The following KIF14 variants were observed in gnomAD, a reference collection of about 807,000 sequenced individuals.
The protein encoded by KIF14 is kinesin-like protein KIF14.
Under a neutral mutation model 176.2 loss-of-function variants are expected in KIF14, and 98 were observed. The observed-to-expected ratio is 0.56, with a 90% CI of 0.47 to 0.66. The LOEUF (loss-of-function observed/expected upper bound fraction) is 0.66. Ranked by LOEUF, KIF14 falls within the 30% of genes least tolerant of loss-of-function variation. The probability of loss-of-function intolerance (pLI) is 0.00; values close to 1 mark genes in which losing one functional copy is unlikely to be tolerated. For synonymous variants in KIF14, 566 were observed against 632.2 expected (o/e 0.90, Z 1.57); for missense variants, 1,751 against 1,920.4 (o/e 0.91, Z 1.65).
intron 17 of KIF14, 142 bp downstream of exon 17, chr1:200,589,983 G>A (rs1658969392): frequency 1.2e-6 from 1 of 830,390 alleles, no homozygotes; most frequent in Non-Finnish European, 1.8e-6. Flanking sequence ...AAATTAAAGA[G>A]GGCCAAGACT....
At chr1:200,582,927 A>G (rs1280251474) in intron 19 of KIF14, among the ~76,000 whole-genome samples, 11 of 152,184 alleles carry the variant, frequency 7.2e-5, no homozygotes, top group Non-Finnish European at 1.5e-5. Flanking sequence ...AGTACACAAC[A>G]TACCTACCAA....
chr1:200,601,922 T>G lies in KIF14; in HGVS notation c.2126A>C (p.Glu709Ala), dbSNP rs1188939613. 6.2e-7 allele frequency: 1 copy of G among 1,610,182 alleles called. No homozygotes were observed. Among genetic ancestry groups the G allele is most frequent in the Non-Finnish European group, 8.5e-7 (1 of 1,178,738 alleles). ...TCTAATTAACTTAGCGTTCATATCT[T>G]CATTTACTTTAGCAATGTTGACTAT... ...RLIVNIAKVN[E>A]DMNAKLIREL... Residue 709 changes from glutamate (E) to alanine (A), a missense_variant, in exon 11 of 30, where the codon GAA becomes GCA. Coordinates refer to ENST00000367350, the MANE Select transcript of KIF14 (RefSeq NM_014875.3).
intron 20 of KIF14, 22 bp downstream of exon 20, chr1:200,581,179 A>G: frequency 7.3e-7 from 1 of 1,360,882 alleles, no homozygotes; most frequent in Non-Finnish European, 1.0e-6. Flanking sequence ...AACATTTAAA[A>G]TCAGGATAAT....
intron 23 of KIF14, 77 bp from the exon 24 acceptor site, chr1:200,565,746 C>G (rs760279899): frequency 6.8e-6 from 6 of 888,080 alleles, no homozygotes; most frequent in Non-Finnish European, 1.0e-5. Context: ...GGGATCCTTA[C>G]TTTATGTACT....
intron 23 of KIF14, among the ~76,000 whole-genome samples, chr1:200,567,400 C>T (rs1657523543): frequency 1.3e-5 from 2 of 151,900 alleles, no homozygotes. Flanking sequence ...AAAAAATTAG[C>T]CGGGCCTGGT....
intron 28 of KIF14, 102 bp from the exon 29 acceptor site, chr1:200,554,708 AAG>A: frequency 1.6e-6 from 1 of 632,468 alleles, no homozygotes; most frequent in Non-Finnish European, 2.6e-6. Flanking sequence ...CTCTTTAAGA[AAG>A]AGAGTTTAAT....
chr1:200,561,248 A>G (rs992665537), intron 25 of KIF14, among the ~76,000 whole-genome samples: 7 of 129,616 alleles, frequency 5.4e-5, no homozygotes, highest in Non-Finnish European at 1.2e-4. Context: ...AAAAAAAGAA[A>G]AAGAAAAATG....
intron 25 of KIF14, among the ~76,000 whole-genome samples, chr1:200,564,389 G>A (rs1301062177): frequency 6.6e-6 from 1 of 152,074 alleles, no homozygotes; most frequent in Non-Finnish European, 1.5e-5. Context: ...TTTGGGCATG[G>A]CGGATGGGAC....
rs143052858 is a variant in KIF14 at position 200,589,248 on chromosome 1, C to T, written c.3083G>A (p.Arg1028Gln). The change falls in exon 18 of 30, where the codon CGA (arginine) becomes CAA (glutamine). Residue 1028 changes from arginine (R) to glutamine (Q), a missense_variant. Transcript: ENST00000367350. Reference protein sequence around the residue: ...LEQEIYVNKKRLEMETLATKQ... With the variant: ...LEQEIYVNKKQLEMETLATKQ... ...TGTAGCCAATGTTTCCATTTCTAAT[C>T]GCTTTTTGTTGACATATATTTCCTG... The T allele has an allele frequency of 3.8e-5, 61 of 1,608,528 alleles. No individual in the cohort carries two copies. The African/African-American group carries it at 5.7e-4, about 15-fold the overall frequency.
intron 14 of KIF14, among the ~76,000 whole-genome samples, chr1:200,596,507 C>T (rs1357464277): frequency 6.8e-6 from 1 of 147,954 alleles, no homozygotes; most frequent in Admixed American, 6.8e-5. Context: ...AGCAAAACTT[C>T]AAAACATCTA....
intron 11 of KIF14, 28 bp downstream of exon 11, chr1:200,601,868 A>G (rs550125813): frequency 6.4e-7 from 1 of 1,573,124 alleles, no homozygotes; most frequent in East Asian, 2.2e-5. Flanking sequence ...GTGGCAAAAC[A>G]ATTTTTAAAT....
At chr1:200,614,497 C>A (rs374012128) in intron 3 of KIF14, 92 bp from the exon 4 acceptor site, 2 of 702,168 alleles carry the variant, frequency 2.8e-6, no homozygotes, top group Non-Finnish European at 4.8e-6. Context: ...GAGTAGGAAG[C>A]AAGTTCACTG....
intron 3 of KIF14, among the ~76,000 whole-genome samples, chr1:200,614,899 G>GGTAATAA (rs1421150508): frequency 6.7e-6 from 1 of 148,326 alleles, no homozygotes; most frequent in Non-Finnish European, 1.5e-5. Flanking sequence ...CCATTTATCA[G>GGTAATAA]ATGCCCCTCC....
At chr1:200,578,025 G>A (rs1479449589) in intron 21 of KIF14, among the ~76,000 whole-genome samples, 1 of 151,456 alleles carries the variant, frequency 6.6e-6, no homozygotes, top group African/African-American at 2.4e-5. Flanking sequence ...CACCTATGAA[G>A]TCAACTTTCA....
intron 22 of KIF14, among the ~76,000 whole-genome samples, chr1:200,570,842 T>C (rs1025677365): frequency 6.6e-6 from 1 of 152,128 alleles, no homozygotes; most frequent in Non-Finnish European, 1.5e-5. Context: ...TACAGATAAT[T>C]TTGTCACACA....
intron 4 of KIF14, among the ~76,000 whole-genome samples, chr1:200,609,197 C>T (rs1488106982): frequency 1.3e-5 from 2 of 152,114 alleles, no homozygotes. Context: ...CAATGAAAAA[C>T]AACTTCACAC....
chr1:200,580,162 A>G (rs1479297773), intron 21 of KIF14, 92 bp downstream of exon 21: 8 of 645,994 alleles, frequency 1.2e-5, no homozygotes, highest in Non-Finnish European at 1.8e-5. Flanking sequence ...TGTCACTTTT[A>G]TATATATACT....
Position 200,603,340 on chromosome 1 carries a change from T to C in KIF14, c.1865A>G (p.Glu622Gly), listed in dbSNP as rs2102736044. The C allele has an allele frequency of 6.5e-7, 1 of 1,533,856 alleles. No individual in the cohort carries two copies. Among genetic ancestry groups the C allele is most frequent in the Non-Finnish European group, 8.9e-7 (1 of 1,126,392 alleles). ...CAAGGACTTATTAATACTCACACCTTCCTGCATGCAAGAAAAAAAAAATTT... is the reference window on the plus strand; with the variant it reads ...CAAGGACTTATTAATACTCACACCTCCCTGCATGCAAGAAAAAAAAAATTT... ...TAHTNGDRLK[E>G]GVSINKSLLT... The change falls in exon 10 of 30, where the codon GAA (glutamate) becomes GGA (glycine). Residue 622 changes from glutamate (E) to glycine (G), a missense_variant and splice_region_variant. Transcript: ENST00000367350.
intron 23 of KIF14, among the ~76,000 whole-genome samples, chr1:200,567,485 G>C (rs1657529562): frequency 6.8e-6 from 1 of 146,986 alleles, no homozygotes; most frequent in Non-Finnish European, 1.5e-5. Context: ...GCGCAGCTGA[G>C]ATTGCGCCAC....
Sources: gnomAD v4.1 joint callset for allele counts (sites outside exome capture counted in the v4.1 genomes callset) on GRCh38, gnomAD v4.1.1 for gene constraint, MANE v1.5 for transcripts, NCBI Gene and HGNC (gene_info 2026-07-23, HGNC 2026-07-21) for gene names.